The following COMMD6 variants were observed in gnomAD, a reference collection of about 807,000 sequenced individuals.
The protein encoded by COMMD6 is COMM domain containing 6.
COMMD6 carries 11 observed loss-of-function variants against 13.4 expected under a neutral mutation model. That is an observed-to-expected ratio of 0.82 (90% confidence interval 0.52 to 1.36). The LOEUF (loss-of-function observed/expected upper bound fraction) is 1.36. Among genes scored for constraint, COMMD6 ranks in the 40% most tolerant of loss-of-function variants. The pLI is 0.00. For synonymous variants in COMMD6, 43 were observed against 36.5 expected (o/e 1.18, Z -0.64); for missense variants, 124 against 102.4 (o/e 1.21, Z -0.91).
chr13:75,537,626 G>A (rs747804056), intron 2 of COMMD6, 38 bp downstream of exon 2: 7 of 1,613,518 alleles, frequency 4.3e-6, no homozygotes, highest in Middle Eastern at 1.7e-4. Flanking sequence ...GTGGGAGGCA[G>A]GCTGGCGGAG....
intron 3 of COMMD6, chr13:75,527,911 A>G: frequency 6.9e-7 from 1 of 1,441,734 alleles, no homozygotes; most frequent in South Asian, 1.6e-5. Context: ...CAAAATGAGT[A>G]AGTCTGAGAT....
intron 1 of COMMD6, among the ~76,000 whole-genome samples, chr13:75,544,620 G>T (rs562289441): frequency 6.6e-6 from 1 of 151,944 alleles, no homozygotes; most frequent in African/African-American, 2.4e-5. Context: ...AAAATTAGCC[G>T]GGTGTGGTGG....
chr13:75,542,211 G>GT (rs556191249), upstream of COMMD6, among the ~76,000 whole-genome samples: 20 of 151,702 alleles, frequency 1.3e-4, 1 homozygote, highest in South Asian at 4.2e-3. Flanking sequence ...GATGGTTTTT[G>GT]TTATCTGGCA....
At chr13:75,536,427 A>C (rs966146802) in intron 2 of COMMD6, among the ~76,000 whole-genome samples, 1 of 152,102 alleles carries the variant, frequency 6.6e-6, no homozygotes, top group Non-Finnish European at 1.5e-5. Context: ...AAATCTATGA[A>C]TATGTTACCT....
chr13:75,537,059 T>A (rs1223065284), intron 2 of COMMD6, among the ~76,000 whole-genome samples: 3 of 152,186 alleles, frequency 2.0e-5, no homozygotes, highest in Non-Finnish European at 4.4e-5. Flanking sequence ...TCTTACCTCA[T>A]CCCTTTCTTA....
At chr13:75,539,647 T>C (rs1236092199), upstream of COMMD6, among the ~76,000 whole-genome samples, 1 of 152,166 alleles carries the variant, frequency 6.6e-6, no homozygotes, top group Non-Finnish European at 1.5e-5. Context: ...ATGGAAATCT[T>C]TGGAGGAGGG....
intron 1 of COMMD6, among the ~76,000 whole-genome samples, chr13:75,547,143 T>C (rs759943625): frequency 6.6e-6 from 1 of 152,180 alleles, no homozygotes; most frequent in Non-Finnish European, 1.5e-5. Context: ...GATTACTAAA[T>C]AGCAGTTGAG....
intron 3 of COMMD6, among the ~76,000 whole-genome samples, chr13:75,529,292 G>A (rs1002841188): frequency 1.3e-5 from 2 of 152,122 alleles, no homozygotes; most frequent in Admixed American, 1.3e-4. Context: ...AGGCCAAGGT[G>A]GGTGGATCAC....
At chr13:75,535,500 G>A (rs1384867454) in intron 2 of COMMD6, among the ~76,000 whole-genome samples, 4 of 152,246 alleles carry the variant, frequency 2.6e-5, no homozygotes, top group African/African-American at 9.6e-5. Context: ...GTGGCAGCAA[G>A]AGGAGGTGAA....
upstream of COMMD6, among the ~76,000 whole-genome samples, chr13:75,540,294 CTTG>C (rs1412605293): frequency 6.6e-6 from 1 of 150,650 alleles, no homozygotes; most frequent in African/African-American, 2.4e-5. Context: ...TTCTTCAGTT[CTTG>C]TTGTCATCAT....
upstream of COMMD6, among the ~76,000 whole-genome samples, chr13:75,542,066 A>G (rs1344906706): frequency 6.6e-6 from 1 of 152,222 alleles, no homozygotes; most frequent in Non-Finnish European, 1.5e-5. Flanking sequence ...CCTTGCCTAC[A>G]AGTATTAATA....
rs1210988559 is a variant in COMMD6, at chr13:75,525,959, G to C, written c.*630C>G. ...GCTAACGGGTTAACTCCGTCGTACAGAACTCAGACTAAAACTCGTCTTTCC... is the reference window on the plus strand; with the variant it reads ...GCTAACGGGTTAACTCCGTCGTACACAACTCAGACTAAAACTCGTCTTTCC... On this transcript the variant is annotated 3_prime_UTR_variant, in exon 4 of 4. Transcript: ENST00000682242. 2 of 152,196 alleles carry C rather than the reference G, an allele frequency of 1.3e-5. No homozygotes were observed. Among genetic ancestry groups the C allele is most frequent in the East Asian group, 1.9e-4 (1 of 5,204 alleles). The allele number at this position is 152,196 out of a possible 1,614,324, so 9.4% of individuals were successfully genotyped here. A position where few individuals can be genotyped will look rare whatever the true frequency, so the allele number is the denominator to read the frequency against.
At chr13:75,534,342 C>T (rs758001685) in intron 2 of COMMD6, among the ~76,000 whole-genome samples, 4 of 152,096 alleles carry the variant, frequency 2.6e-5, no homozygotes, top group Admixed American at 6.6e-5. Flanking sequence ...GGTGAGGAAA[C>T]GGAGAGCTGC....
upstream of COMMD6, among the ~76,000 whole-genome samples, chr13:75,541,719 T>C (rs1454088151): frequency 6.6e-6 from 1 of 152,040 alleles, no homozygotes; most frequent in Non-Finnish European, 1.5e-5. Flanking sequence ...AAAGCTTGGG[T>C]GCAAATATAC....
At chr13:75,544,764 T>C (rs1023027508) in intron 1 of COMMD6, among the ~76,000 whole-genome samples, 1 of 150,878 alleles carries the variant, frequency 6.6e-6, no homozygotes, top group South Asian at 2.1e-4. Context: ...GTCTCAGAAA[T>C]AAAATAAAAT....
chr13:75,536,213 T>C (rs553793366), intron 2 of COMMD6, among the ~76,000 whole-genome samples: 15 of 152,246 alleles, frequency 9.9e-5, no homozygotes, highest in Non-Finnish European at 2.2e-4. Context: ...TTTAAAATTA[T>C]ATTTTCCAAC....
chr13:75,534,231 G>A (rs2030587554), intron 2 of COMMD6, among the ~76,000 whole-genome samples: 1 of 152,112 alleles, frequency 6.6e-6, no homozygotes, highest in African/African-American at 2.4e-5. Context: ...TTGCCTATTT[G>A]TTTCTCAGAA....
Position 75,526,432 on chromosome 13 carries a change from C to A in COMMD6, c.*157G>T. On this transcript the variant is annotated 3_prime_UTR_variant, in exon 4 of 4. Coordinates refer to ENST00000682242, the MANE Select transcript of COMMD6 (RefSeq NM_203495.4). ...AAAGTTTTGCATTCATCACCACTAC[C>A]CAGTTCCTGTTTGTCTGATTTTTAT... 1 of 581,470 alleles carries A rather than the reference C, an allele frequency of 1.7e-6. No homozygotes were observed. Among genetic ancestry groups the A allele is most frequent in the Non-Finnish European group, 3.1e-6 (1 of 327,458 alleles). The allele number at this position is 581,470 out of a possible 1,614,324, so 36.0% of individuals were successfully genotyped here.
upstream of COMMD6, among the ~76,000 whole-genome samples, chr13:75,539,488 C>T (rs1171488950): frequency 2.0e-5 from 3 of 151,976 alleles, no homozygotes; most frequent in African/African-American, 7.2e-5. Flanking sequence ...AATCCACCCA[C>T]CTCGGGCCTT....
Sources: allele counts gnomAD v4.1 joint callset (sites outside exome capture counted in the v4.1 genomes callset), GRCh38; gene constraint gnomAD v4.1.1; transcripts MANE v1.5; gene names NCBI Gene and HGNC (gene_info 2026-07-23, HGNC 2026-07-21).